CPT1A: variants seen among roughly 807,000 people sequenced by gnomAD.
CPT1A encodes carnitine O-palmitoyltransferase 1, liver isoform.
A neutral mutation model predicts 100.8 loss-of-function variants in CPT1A; 64 were observed. The ratio of observed to expected loss-of-function variants is 0.63; its 90% CI spans 0.52 to 0.78. The LOEUF is 0.78. Among genes scored for constraint, CPT1A ranks in the 30% least tolerant of loss-of-function variants. CPT1A has a pLI of 0.00. For synonymous variants in CPT1A, 363 were observed against 396.0 expected (o/e 0.92, Z 0.99); for missense variants, 802 against 1,034.1 (o/e 0.78, Z 3.08).
chr11:68,776,886 A>C (rs1855155718), intron 12 of CPT1A, among the ~76,000 whole-genome samples: 1 of 152,232 alleles, frequency 6.6e-6, no homozygotes, highest in South Asian at 2.1e-4. Flanking sequence ...TCAACTAAAA[A>C]AATTAAGTTT....
intron 14 of CPT1A, among the ~76,000 whole-genome samples, chr11:68,767,938 T>C (rs1854857431): frequency 6.6e-6 from 1 of 152,042 alleles, no homozygotes; most frequent in African/African-American, 2.4e-5. Context: ...TCCTTTTAAA[T>C]ACTGAAGCCC....
chr11:68,804,835 CTT>C lies in CPT1A; in HGVS notation c.454-736_454-735del, dbSNP rs529840544. Among the ~76,000 whole-genome samples, 103 of 152,340 alleles carry C rather than the reference CTT, an allele frequency of 6.8e-4. 1 individual carries two copies. The highest frequency in any genetic ancestry group is 2.4e-3 in the African/African-American group (99 of 41,590). On this transcript the variant is annotated intron_variant, in intron 4 of 18. Coordinates refer to ENST00000265641, the MANE Select transcript of CPT1A (RefSeq NM_001876.4). ...GAGCCAAGCCGAGGGGAAGCAGTTT[CTT>C]TCCTTCAGTCATTGCCAAGTCTCCC...
intron 13 of CPT1A, chr11:68,773,940 C>G: frequency 4.9e-6 from 1 of 204,242 alleles, no homozygotes; most frequent in East Asian, 1.1e-4. Context: ...GGCAGAACAC[C>G]TCAAGTGAGC....
At chr11:68,761,955 T>C (rs1005557123) in intron 15 of CPT1A, among the ~76,000 whole-genome samples, 8 of 151,934 alleles carry the variant, frequency 5.3e-5, no homozygotes, top group Admixed American at 3.3e-4. Context: ...AAAAGAGCCC[T>C]GGCCAGTGTC....
intron 1 of CPT1A, among the ~76,000 whole-genome samples, chr11:68,838,532 A>T (rs1857068721): frequency 6.9e-6 from 1 of 144,526 alleles, no homozygotes; most frequent in South Asian, 2.2e-4. Flanking sequence ...TGGAGAGGGG[A>T]ACCAAGTGAG....
In CPT1A at chr11:68,780,765, G is replaced by A. The variant is rs1594333971; in HGVS notation, c.1353-20C>T. ...AACCACCTACGTGAAACACACATGTGTGGAACTTAAGTGTTTAAAGAGGCA... is the reference window on the plus strand; with the variant it reads ...AACCACCTACGTGAAACACACATGTATGGAACTTAAGTGTTTAAAGAGGCA... On this transcript the variant is annotated intron_variant, in intron 11 of 18. Transcript: ENST00000265641. 3.1e-6 allele frequency: 5 copies of A among 1,604,218 alleles called. No homozygotes were observed. The South Asian group carries it at 3.3e-5, about 11-fold the overall frequency.
At chr11:68,816,093 A>C (rs1856381083) in intron 1 of CPT1A, among the ~76,000 whole-genome samples, 1 of 152,162 alleles carries the variant, frequency 6.6e-6, no homozygotes, top group Admixed American at 6.6e-5. Context: ...AGCAACTCGC[A>C]CAGCACAGAC....
At chr11:68,831,362 G>T (rs1856873260) in intron 1 of CPT1A, among the ~76,000 whole-genome samples, 1 of 152,134 alleles carries the variant, frequency 6.6e-6, no homozygotes, top group African/African-American at 2.4e-5. Context: ...GCATTGCCAG[G>T]TTTCAAAACA....
intron 9 of CPT1A, among the ~76,000 whole-genome samples, chr11:68,788,630 T>TAAAAAAAAAAAA: frequency 7.3e-5 from 2 of 27,546 alleles, no homozygotes; most frequent in Non-Finnish European, 1.2e-4. Context: ...CAAACAAAAG[T>TAAAAAAAAAAAA]AAAAAAAAAA....
At chr11:68,839,313 T>A (rs896469065) in intron 1 of CPT1A, among the ~76,000 whole-genome samples, 1 of 152,178 alleles carries the variant, frequency 6.6e-6, no homozygotes, top group Non-Finnish European at 1.5e-5. Context: ...GAAAGCGTCC[T>A]CGGAAGGGCA....
intron 4 of CPT1A, among the ~76,000 whole-genome samples, chr11:68,805,424 C>CT (rs1856014989): frequency 6.6e-6 from 1 of 151,290 alleles, no homozygotes; most frequent in African/African-American, 2.4e-5. Context: ...GCACTCCAGC[C>CT]TGGGTGACAG....
At chr11:68,806,015 T>A (rs894110741) in intron 4 of CPT1A, among the ~76,000 whole-genome samples, 1 of 149,066 alleles carries the variant, frequency 6.7e-6, no homozygotes, top group Admixed American at 6.7e-5. Flanking sequence ...ACTAAGCCCA[T>A]AAATTTTTTT....
intron 1 of CPT1A, among the ~76,000 whole-genome samples, chr11:68,825,032 C>T (rs936840036): frequency 1.3e-5 from 2 of 152,106 alleles, no homozygotes; most frequent in Non-Finnish European, 2.9e-5. Flanking sequence ...CTCCTGACCT[C>T]AGGTGATCTG....
At chr11:68,773,567 A>G (rs1235022985) in intron 13 of CPT1A, 138 bp from the exon 14 acceptor site, 1 of 1,488,946 alleles carries the variant, frequency 6.7e-7, no homozygotes, top group Non-Finnish European at 9.0e-7. Flanking sequence ...TTCCTGACCC[A>G]GAAGCCCTAG....
In CPT1A at chr11:68,761,625, G is replaced by A. The variant is rs371411802; in HGVS notation, c.1938C>T (p.Leu646=). The change falls in exon 16 of 19, where the codon CTC becomes CTT. Residue 646 remains leucine, a synonymous_variant. Coordinates refer to ENST00000265641, the MANE Select transcript of CPT1A (RefSeq NM_001876.4). ...ASEKHQHMYR[L]AMTGSGIDRH... ...GATCGATCCCAGAGCCGGTCATGGC[G>A]AGGCGATACATATGCTGATGCTTCT... is the stretch of plus-strand genomic sequence containing the variant. 2.1e-5 allele frequency: 34 copies of A among 1,614,104 alleles called. No individual in the cohort carries two copies. Among genetic ancestry groups the A allele is most frequent in the Admixed American group, 5.0e-5 (3 of 60,008 alleles).
intron 2 of CPT1A, 87 bp from the exon 3 acceptor site, chr11:68,812,663 T>C: frequency 6.6e-7 from 1 of 1,525,270 alleles, no homozygotes; most frequent in East Asian, 2.3e-5. Context: ...GCAGGGCTGC[T>C]GGGACAGCAG....
rs1594315263 is a variant in CPT1A at position 68,760,245 on chromosome 11, T to C, written c.2122A>G (p.Ser708Gly). The change falls in exon 17 of 19, where the codon AGC (serine) becomes GGC (glycine). Residue 708 changes from serine (S) to glycine (G), a missense_variant. Physicochemically the swap from Ser to Gly is moderately conservative, Grantham distance 56. Coordinates refer to ENST00000265641, the MANE Select transcript of CPT1A (RefSeq NM_001876.4). ...DLENNPEYVS[S>G]GGGFGPVADD... ...CTCACCGGTCCAAAGCCCCCTCCGC[T>C]GGACACGTACTCTGGGTTATTCTCC... 1 of 1,611,142 alleles carries C rather than the reference T, an allele frequency of 6.2e-7. No individual in the cohort carries two copies. The highest frequency in any genetic ancestry group is 8.5e-7 in the Non-Finnish European group (1 of 1,179,184).
At chr11:68,824,794 C>CT (rs60451933) in intron 1 of CPT1A, among the ~76,000 whole-genome samples, 83,740 of 120,198 alleles carry the variant, frequency 0.7, 32,667 homozygotes, top group Non-Finnish European at 0.86. Context: ...GCAATTGTAT[C>CT]TTTTTTTTTT....
intron 5 of CPT1A, among the ~76,000 whole-genome samples, chr11:68,800,024 C>A (rs1855861242): frequency 6.6e-6 from 1 of 152,052 alleles, no homozygotes; most frequent in African/African-American, 2.4e-5. Flanking sequence ...TATTATTTGG[C>A]CCTTAATAAA....
Sources: allele counts gnomAD v4.1 joint callset (sites outside exome capture counted in the v4.1 genomes callset), GRCh38; gene constraint gnomAD v4.1.1; transcripts MANE v1.5; gene names NCBI Gene and HGNC (gene_info 2026-07-23, HGNC 2026-07-21).